The following NCOA1 variants were observed in gnomAD, a reference collection of about 807,000 sequenced individuals.
The protein encoded by NCOA1 is Hin-2 protein.
A neutral mutation model predicts 150.9 loss-of-function variants in NCOA1; 35 were observed. The observed-to-expected ratio is 0.23, with a 90% CI of 0.18 to 0.31. The LOEUF (loss-of-function observed/expected upper bound fraction) is 0.31. NCOA1 is among the 10% of genes least tolerant of loss of function. NCOA1 has a pLI of 1.00. For missense variants in NCOA1, 1,491 were observed against 1,749.3 expected (o/e 0.85, Z 2.63); for synonymous variants, 590 against 630.0 (o/e 0.94, Z 0.95).
chr2:24,535,819 G>A (rs1019965213), intron 1 of NCOA1, among the ~76,000 whole-genome samples: 11 of 152,260 alleles, frequency 7.2e-5, no homozygotes, highest in Middle Eastern at 6.8e-3. Flanking sequence ...CAAGAGATCC[G>A]CTGTTAGTCT....
intron 3 of NCOA1, among the ~76,000 whole-genome samples, chr2:24,586,275 CAAAAAAAAAAA>C (rs34590281): frequency 3.0e-5 from 2 of 66,138 alleles, no homozygotes; most frequent in East Asian, 4.2e-4. Context: ...GACTCGGTCT[CAAAAAAAAAAA>C]AAAAAAAAAA....
At chr2:24,767,618 A>C (rs1665135227) in intron 22 of NCOA1, among the ~76,000 whole-genome samples, 9 of 152,226 alleles carry the variant, frequency 5.9e-5, no homozygotes, top group Admixed American at 5.2e-4. Flanking sequence ...AGGGGAAAAA[A>C]GTCAAATATG....
At chr2:24,621,640 G>A (rs1410875081) in intron 3 of NCOA1, among the ~76,000 whole-genome samples, 1 of 151,428 alleles carries the variant, frequency 6.6e-6, no homozygotes, top group African/African-American at 2.4e-5. Context: ...CACCATGCCC[G>A]GCTAATTTTT....
chr2:24,510,545 G>A (rs1016520140), intron 1 of NCOA1, among the ~76,000 whole-genome samples: 2 of 152,016 alleles, frequency 1.3e-5, no homozygotes, highest in East Asian at 1.9e-4. Flanking sequence ...TTCTCCCTGT[G>A]TTGCCCAGGC....
At position 24,662,971 on chromosome 2, in the gene NCOA1, T is replaced by G. The variant is rs564352709; in HGVS notation, c.90-2778T>G. 3.6e-4 allele frequency among the ~76,000 whole-genome samples: 55 copies of G among 151,568 alleles called. 1 individual carries two copies. The highest frequency in any genetic ancestry group is 6.8e-3 in the Middle Eastern group (2 of 292). On this transcript the variant is annotated intron_variant, in intron 5 of 22. Transcript: ENST00000348332. ...CCTGGCTAATTTTTTTTTCTTTTTTTTTTTTTAGAGACAGGGTCTTGTTGT... is the reference window on the plus strand; with the variant it reads ...CCTGGCTAATTTTTTTTTCTTTTTTGTTTTTTAGAGACAGGGTCTTGTTGT...
intron 4 of NCOA1, among the ~76,000 whole-genome samples, chr2:24,646,434 A>T (rs953555227): frequency 2.0e-5 from 3 of 152,224 alleles, no homozygotes; most frequent in Non-Finnish European, 2.9e-5. Flanking sequence ...TCTAATATAT[A>T]GTTCACATTA....
At chr2:24,566,220 T>A (rs566684279) in intron 2 of NCOA1, among the ~76,000 whole-genome samples, 9 of 152,298 alleles carry the variant, frequency 5.9e-5, no homozygotes, top group African/African-American at 1.9e-4. Flanking sequence ...AATAGGTAGC[T>A]CCTTTCTGCA....
intron 2 of NCOA1, among the ~76,000 whole-genome samples, chr2:24,568,150 A>AG (rs1367238953): frequency 6.6e-6 from 1 of 152,206 alleles, no homozygotes; most frequent in African/African-American, 2.4e-5. Flanking sequence ...AAAGTGAAAA[A>AG]TCTCACAAAT....
chr2:24,590,022 G>T (rs142176246), intron 3 of NCOA1, among the ~76,000 whole-genome samples: 91 of 152,180 alleles, frequency 6.0e-4, no homozygotes, highest in African/African-American at 2.2e-3. Flanking sequence ...TCTGTACTGT[G>T]GAAGAAACTA....
At chr2:24,757,264 C>G (rs1049993260) in intron 20 of NCOA1, among the ~76,000 whole-genome samples, 1 of 152,178 alleles carries the variant, frequency 6.6e-6, no homozygotes, top group Non-Finnish European at 1.5e-5. Context: ...CCAGGGTATT[C>G]TCTTGTAGAT....
At chr2:24,656,218 A>T (rs555122561) in intron 4 of NCOA1, among the ~76,000 whole-genome samples, 1 of 152,276 alleles carries the variant, frequency 6.6e-6, no homozygotes, top group South Asian at 2.1e-4. Flanking sequence ...AAATAGGTTT[A>T]TAGAGAGACT....
chr2:24,693,074 G>A (rs188822181), intron 9 of NCOA1, among the ~76,000 whole-genome samples, 178 bp from the exon 10 acceptor site: 43 of 152,310 alleles, frequency 2.8e-4, no homozygotes, highest in Non-Finnish European at 5.1e-4. Context: ...GTGTTAGCCA[G>A]CATGGTCTCG....
intron 6 of NCOA1, among the ~76,000 whole-genome samples, chr2:24,668,045 A>G (rs562021978): frequency 2.0e-5 from 3 of 152,298 alleles, no homozygotes; most frequent in African/African-American, 7.2e-5. Context: ...TATCCTCAGT[A>G]CCTAAAACAG....
intron 3 of NCOA1, among the ~76,000 whole-genome samples, chr2:24,641,181 G>A (rs1047756322): frequency 6.6e-6 from 1 of 151,292 alleles, no homozygotes; most frequent in Non-Finnish European, 1.5e-5. Flanking sequence ...TTTATTTGTA[G>A]TTAACATTGT....
chr2:24,569,962 A>C (rs1167511124), intron 2 of NCOA1, among the ~76,000 whole-genome samples: 2 of 151,536 alleles, frequency 1.3e-5, no homozygotes, highest in Non-Finnish European at 2.9e-5. Context: ...TACTTCCCAG[A>C]GTCAAAATGC....
chr2:24,492,665 CAGA>C (rs1405683453), intron 1 of NCOA1, among the ~76,000 whole-genome samples: 1 of 152,108 alleles, frequency 6.6e-6, no homozygotes, highest in South Asian at 2.1e-4. Context: ...TGTCCTTGTG[CAGA>C]AGGTGACATT....
At position 24,762,670 on chromosome 2, in the gene NCOA1, G is replaced by T; in HGVS notation, c.4066-17G>T. ...AACAACTAGCTTGTAATTTGATCTT[G>T]TATTTATCTTTAATAGATAAATGAT... On this transcript the variant is annotated splice_polypyrimidine_tract_variant and intron_variant, in intron 21 of 22. Coordinates refer to ENST00000348332, the MANE Select transcript of NCOA1 (RefSeq NM_003743.5). 1 of 1,603,558 alleles carries T rather than the reference G, an allele frequency of 6.2e-7. No individual in the cohort carries two copies. Among genetic ancestry groups the T allele is most frequent in the East Asian group, 2.2e-5 (1 of 44,804 alleles).
chr2:24,717,170 C>T (rs1199511055), intron 14 of NCOA1, among the ~76,000 whole-genome samples: 1 of 152,218 alleles, frequency 6.6e-6, no homozygotes, highest in African/African-American at 2.4e-5. Flanking sequence ...CAAAATGGTA[C>T]AGCCACTTTG....
intron 3 of NCOA1, among the ~76,000 whole-genome samples, chr2:24,619,211 A>G (rs370040751): frequency 3.3e-5 from 5 of 152,336 alleles, no homozygotes; most frequent in South Asian, 2.1e-4. Context: ...TCTTTTATGA[A>G]TGTAACCTTT....
Sources: allele counts gnomAD v4.1 joint callset (sites outside exome capture counted in the v4.1 genomes callset), GRCh38; gene constraint gnomAD v4.1.1; transcripts MANE v1.5; gene names NCBI Gene and HGNC (gene_info 2026-07-23, HGNC 2026-07-21).